Variants in TOX2 observed in about 807,000 individuals in gnomAD.
TOX2 encodes the protein TOX high mobility group box family member 2.
In TOX2, 15 loss-of-function variants were observed where a neutral mutation model predicts 47.4. The ratio of observed to expected loss-of-function variants is 0.32; its 90% confidence interval spans 0.21 to 0.49. The LOEUF (loss-of-function observed/expected upper bound fraction) is 0.49. Among genes scored for constraint, TOX2 ranks in the 20% least tolerant of loss-of-function variants. TOX2 has a pLI of 0.99. For synonymous variants in TOX2, 290 were observed against 296.6 expected, an observed-to-expected ratio of 0.98 and a Z score of 0.23; for missense variants, 622 against 673.1, an observed-to-expected ratio of 0.92 and a Z score of 0.84.
intron 1 of TOX2, among the ~76,000 whole-genome samples, chr20:43,972,721 T>C (rs938119216): frequency 6.6e-6 from 1 of 152,352 alleles, no homozygotes; most frequent in East Asian, 1.9e-4. Flanking sequence ...CCCCTGCACC[T>C]GCTCCTGACT....
At chr20:43,935,083 C>T (rs1435953352) in intron 1 of TOX2, among the ~76,000 whole-genome samples, 1 of 152,114 alleles carries the variant, frequency 6.6e-6, no homozygotes, top group Non-Finnish European at 1.5e-5. Flanking sequence ...CCATTCTGTG[C>T]ACTGGTGCCT....
chr20:43,992,186 G>C (rs1442456566), intron 2 of TOX2, among the ~76,000 whole-genome samples: 1 of 152,168 alleles, frequency 6.6e-6, no homozygotes, highest in Non-Finnish European at 1.5e-5. Flanking sequence ...GAGTGTGCCT[G>C]GCATGTTTGA....
intron 5 of TOX2, among the ~76,000 whole-genome samples, chr20:44,057,220 C>T (rs1432277743): frequency 6.6e-6 from 1 of 152,210 alleles, no homozygotes; most frequent in African/African-American, 2.4e-5. Context: ...TATATCCAGC[C>T]ATATCTCCTT....
At chr20:43,936,460 G>T (rs777845032) in intron 1 of TOX2, among the ~76,000 whole-genome samples, 2 of 152,250 alleles carry the variant, frequency 1.3e-5, no homozygotes, top group East Asian at 1.9e-4. Context: ...TGGCTGCAAG[G>T]CTTCCTGGCT....
chr20:44,067,517 G>A (rs904304944), intron 8 of TOX2, among the ~76,000 whole-genome samples: 5 of 152,242 alleles, frequency 3.3e-5, no homozygotes, highest in South Asian at 2.1e-4. Flanking sequence ...GGTGGGACAC[G>A]GTGGGAGAAG....
chr20:44,037,343 G>C (rs574982485), intron 3 of TOX2, among the ~76,000 whole-genome samples: 1 of 152,226 alleles, frequency 6.6e-6, no homozygotes, highest in Non-Finnish European at 1.5e-5. Context: ...GAAAACTTTC[G>C]TCTTGAACAC....
chr20:43,969,270 G>A (rs186325286), intron 1 of TOX2, among the ~76,000 whole-genome samples: 3 of 152,188 alleles, frequency 2.0e-5, no homozygotes, highest in Non-Finnish European at 4.4e-5. Context: ...CACAAACATG[G>A]GTTTGTGGTG....
At chr20:43,990,993 G>T (rs2070358452) in intron 2 of TOX2, among the ~76,000 whole-genome samples, 1 of 152,170 alleles carries the variant, frequency 6.6e-6, no homozygotes, top group African/African-American at 2.4e-5. Context: ...CATTTTTGCT[G>T]CTTTTAAAAT....
intron 1 of TOX2, among the ~76,000 whole-genome samples, chr20:43,934,431 G>A (rs2069297264): frequency 6.6e-6 from 1 of 152,196 alleles, no homozygotes; most frequent in Non-Finnish European, 1.5e-5. Context: ...TGAGAGGTGA[G>A]GGCACTGGGC....
At chr20:43,963,407 G>A (rs540182253) in intron 1 of TOX2, among the ~76,000 whole-genome samples, 20 of 152,336 alleles carry the variant, frequency 1.3e-4, no homozygotes, top group Admixed American at 9.8e-4. Flanking sequence ...AGTGCCCAAG[G>A]CGTTGTCCTT....
At chr20:44,019,119 A>G (rs1169269205) in intron 3 of TOX2, among the ~76,000 whole-genome samples, 1 of 152,200 alleles carries the variant, frequency 6.6e-6, no homozygotes, top group Non-Finnish European at 1.5e-5. Flanking sequence ...TGAAAAATGA[A>G]TGAATGAATG....
intron 2 of TOX2, among the ~76,000 whole-genome samples, chr20:43,978,206 G>C (rs1003892689): frequency 6.6e-6 from 1 of 152,134 alleles, no homozygotes; most frequent in African/African-American, 2.4e-5. Context: ...GAACCCAGGA[G>C]AGGATAGAAG....
At chr20:43,984,642 G>A (rs147231195) in intron 2 of TOX2, among the ~76,000 whole-genome samples, 2 of 152,202 alleles carry the variant, frequency 1.3e-5, no homozygotes, top group Non-Finnish European at 2.9e-5. Flanking sequence ...GGGAATGGAT[G>A]GGGGGAGGAC....
At chr20:44,035,061 C>A (rs1198869544) in intron 3 of TOX2, among the ~76,000 whole-genome samples, 1 of 152,244 alleles carries the variant, frequency 6.6e-6, no homozygotes. Context: ...TATCAATCTT[C>A]CTCAGTGCCT....
chr20:43,944,395 AAGG>A (rs2069439219), intron 1 of TOX2, among the ~76,000 whole-genome samples: 8 of 152,324 alleles, frequency 5.3e-5, no homozygotes, highest in Middle Eastern at 3.4e-3. Context: ...TTTGGGGAAG[AAGG>A]AGATCTTTGA....
intron 3 of TOX2, among the ~76,000 whole-genome samples, chr20:44,025,704 C>G (rs1042606505): frequency 3.3e-5 from 5 of 151,372 alleles, no homozygotes; most frequent in African/African-American, 1.2e-4. Context: ...CAGCTTCCCC[C>G]ACTCTCAGAA....
intron 1 of TOX2, among the ~76,000 whole-genome samples, chr20:43,971,589 T>C (rs2069968623): frequency 6.6e-6 from 1 of 152,202 alleles, no homozygotes; most frequent in Admixed American, 6.5e-5. Context: ...GATCCAGCAA[T>C]TACACAAATG....
At chr20:43,992,959 G>A (rs914905018) in intron 2 of TOX2, among the ~76,000 whole-genome samples, 3 of 151,988 alleles carry the variant, frequency 2.0e-5, no homozygotes, top group East Asian at 1.9e-4. Flanking sequence ...AACTGAGCTC[G>A]TGGTCCTCCT....
chr20:43,960,630 T>C (rs1452670258), intron 1 of TOX2, among the ~76,000 whole-genome samples: 1 of 152,256 alleles, frequency 6.6e-6, no homozygotes. Context: ...GTCTGTTTGG[T>C]ACCTGAAACA....
Sources: allele counts gnomAD v4.1 joint callset (sites outside exome capture counted in the v4.1 genomes callset), GRCh38; gene constraint gnomAD v4.1.1; transcripts MANE v1.5; gene names NCBI Gene and HGNC (gene_info 2026-07-23, HGNC 2026-07-21).